Variants in SH3RF2 observed in about 807,000 individuals in gnomAD.
The protein encoded by SH3RF2 is E3 ubiquitin-protein ligase SH3RF2.
Under a neutral mutation model 59.0 loss-of-function variants are expected in SH3RF2, and 43 were observed. The observed-to-expected ratio is 0.73, with a 90% CI of 0.57 to 0.94. The LOEUF is 0.94. Among genes scored for constraint, SH3RF2 ranks in the 40% least tolerant of loss-of-function variants. The pLI, the probability that SH3RF2 is intolerant of heterozygous loss-of-function variation, is 0.00. For missense variants in SH3RF2, 930 were observed against 940.1 expected, an observed-to-expected ratio of 0.99 and a Z score of 0.14; for synonymous variants, 391 against 391.5, an observed-to-expected ratio of 1.00 and a Z score of 0.01.
chr5:146,052,733 G>A (rs547306995), intron 7 of SH3RF2, among the ~76,000 whole-genome samples: 1 of 152,110 alleles, frequency 6.6e-6, no homozygotes, highest in Non-Finnish European at 1.5e-5. Context: ...CTGTGTGCAG[G>A]TGACCCTTGT....
intron 5 of SH3RF2, among the ~76,000 whole-genome samples, chr5:146,025,251 T>G (rs1384028215): frequency 3.3e-5 from 5 of 152,240 alleles, no homozygotes; most frequent in Non-Finnish European, 5.9e-5. Context: ...AAGATTCATT[T>G]CTCACCACCT....
chr5:145,946,296 T>C (rs1477170245), intron 2 of SH3RF2, among the ~76,000 whole-genome samples: 1 of 152,208 alleles, frequency 6.6e-6, no homozygotes, highest in East Asian at 1.9e-4. Context: ...TTCGATCTTT[T>C]TTCCGAGTAC....
chr5:146,021,528 C>T (rs1161185750), intron 5 of SH3RF2, among the ~76,000 whole-genome samples: 1 of 152,166 alleles, frequency 6.6e-6, no homozygotes, highest in South Asian at 2.1e-4. Context: ...TCATTATCTG[C>T]CCCCATAGTG....
At chr5:146,053,762 A>G (rs1034225158) in intron 7 of SH3RF2, among the ~76,000 whole-genome samples, 4 of 152,312 alleles carry the variant, frequency 2.6e-5, no homozygotes, top group Non-Finnish European at 4.4e-5. Flanking sequence ...TTTCGCAGAC[A>G]TATGCCTACC....
chr5:146,055,862 G>C, intron 7 of SH3RF2, 119 bp from the exon 8 acceptor site: 1 of 1,153,546 alleles, frequency 8.7e-7, no homozygotes. Flanking sequence ...GTGGGAAGAA[G>C]GTGAGAAGTA....
intron 5 of SH3RF2, among the ~76,000 whole-genome samples, chr5:146,026,748 G>T (rs531339590): frequency 3.3e-5 from 5 of 152,120 alleles, no homozygotes; most frequent in Non-Finnish European, 7.4e-5. Flanking sequence ...GATCTAGGAC[G>T]GAACTCACAC....
chr5:146,037,319 C>A (rs1000370448), intron 5 of SH3RF2, among the ~76,000 whole-genome samples: 2 of 152,190 alleles, frequency 1.3e-5, no homozygotes, highest in Admixed American at 6.5e-5. Flanking sequence ...CTCAAACCCA[C>A]ATCAGACAGC....
intron 9 of SH3RF2, among the ~76,000 whole-genome samples, chr5:146,062,202 G>C (rs1762920782): frequency 6.6e-6 from 1 of 152,106 alleles, no homozygotes; most frequent in African/African-American, 2.4e-5. Context: ...TCAATTTAAA[G>C]CTTCTGGGAA....
chr5:146,003,449 A>G (rs1381456346), intron 3 of SH3RF2, among the ~76,000 whole-genome samples: 3 of 152,196 alleles, frequency 2.0e-5, no homozygotes, highest in Non-Finnish European at 4.4e-5. Context: ...GTATGTTTAT[A>G]TGTATGTATG....
chr5:146,009,830 T>C lies in SH3RF2; in HGVS notation c.745-3917T>C, dbSNP rs557164526. ...TAAAATTTTCTTTTTAAGAACTTTA[T>C]TTATTCCTCAACAAAAGCGACATTC... On this transcript the variant is annotated intron_variant, in intron 4 of 9. Coordinates refer to ENST00000359120, the MANE Select transcript of SH3RF2 (RefSeq NM_152550.4). Among the ~76,000 whole-genome samples the C allele has an allele frequency of 9.8e-5, 15 of 152,326 alleles. 3 individuals are homozygous for C. Among genetic ancestry groups the C allele is most frequent in the African/African-American group, 3.6e-4 (15 of 41,566 alleles).
At chr5:145,997,378 G>A in intron 2 of SH3RF2, 4 of 1,211,660 alleles carry the variant, frequency 3.3e-6, no homozygotes, top group Non-Finnish European at 4.9e-6. Flanking sequence ...GAGCAGCCTG[G>A]TCATTTATAA....
intron 2 of SH3RF2, among the ~76,000 whole-genome samples, chr5:145,950,842 T>G (rs915804849): frequency 5.9e-5 from 9 of 152,204 alleles, no homozygotes; most frequent in South Asian, 2.1e-4. Flanking sequence ...TAGTTCATTG[T>G]AGGTGAGGAA....
chr5:145,985,098 G>T (rs1370932862), intron 2 of SH3RF2, among the ~76,000 whole-genome samples: 1 of 152,162 alleles, frequency 6.6e-6, no homozygotes, highest in Non-Finnish European at 1.5e-5. Flanking sequence ...CCAGGCTTCA[G>T]TGAGCCATGG....
chr5:146,048,365 A>G (rs1180153323), intron 6 of SH3RF2, among the ~76,000 whole-genome samples: 1 of 151,984 alleles, frequency 6.6e-6, no homozygotes, highest in Non-Finnish European at 1.5e-5. Context: ...CTCTTAGCTC[A>G]TTATTTTACA....
chr5:146,015,466 A>G (rs1264093770), intron 5 of SH3RF2, among the ~76,000 whole-genome samples: 1 of 152,148 alleles, frequency 6.6e-6, no homozygotes, highest in African/African-American at 2.4e-5. Flanking sequence ...ACACACACAC[A>G]AACACACACA....
chr5:145,961,773 A>T (rs1266575190), intron 2 of SH3RF2, among the ~76,000 whole-genome samples: 1 of 152,228 alleles, frequency 6.6e-6, no homozygotes, highest in Non-Finnish European at 1.5e-5. Flanking sequence ...TTCTGTCAAT[A>T]CAGTTTATCT....
Position 146,002,708 on chromosome 5 carries a change from G to T in SH3RF2, c.649-1350G>T, listed in dbSNP as rs888951165. 5.9e-5 allele frequency among the ~76,000 whole-genome samples: 9 copies of T among 152,162 alleles called. No individual in the cohort carries two copies. In the East Asian group the frequency reaches 7.7e-4, roughly 13 times the overall value. On this transcript the variant is annotated intron_variant, in intron 3 of 9. Coordinates refer to ENST00000359120, the MANE Select transcript of SH3RF2 (RefSeq NM_152550.4). The stretch of plus-strand genomic sequence containing the variant: ...TATTTATAGCTGCTCCCCATGGGTC[G>T]CATTACTGCCTGAGCTCCACCTTCT...
chr5:146,059,828 G>A (rs200842729), intron 8 of SH3RF2, 38 bp from the exon 9 acceptor site: 59 of 1,377,240 alleles, frequency 4.3e-5, no homozygotes, highest in Non-Finnish European at 4.9e-5. Flanking sequence ...ACTGCCAGCC[G>A]CCCCTGCTGC....
intron 7 of SH3RF2, 91 bp downstream of exon 7, chr5:146,049,336 C>G: frequency 7.0e-7 from 1 of 1,434,526 alleles, no homozygotes; most frequent in Non-Finnish European, 9.4e-7. Context: ...ACCCAGTGCT[C>G]TTTCAGAAAA....
Sources: allele counts gnomAD v4.1 joint callset (sites outside exome capture counted in the v4.1 genomes callset), GRCh38; gene constraint gnomAD v4.1.1; transcripts MANE v1.5; gene names NCBI Gene and HGNC (gene_info 2026-07-23, HGNC 2026-07-21).